The following UGT2A1 variants were observed in gnomAD, a reference collection of about 807,000 sequenced individuals.
The protein encoded by UGT2A1 is UDP-glucuronosyltransferase 2A1.
A neutral mutation model predicts 45.4 loss-of-function variants in UGT2A1; 61 were observed. That is an observed-to-expected ratio of 1.34 (90% CI 1.09 to 1.66). UGT2A1 has a LOEUF of 1.66. Ranked by LOEUF, UGT2A1 falls within the 40% of genes most tolerant of loss-of-function variation. The pLI is 0.00. For synonymous variants in UGT2A1, 229 were observed against 196.2 expected, an observed-to-expected ratio of 1.17 and a Z score of -1.40; for missense variants, 649 against 574.3, an observed-to-expected ratio of 1.13 and a Z score of -1.33.
chr4:69,644,434 C>G (rs369378843), intron 2 of UGT2A1, among the ~76,000 whole-genome samples: 9 of 151,688 alleles, frequency 5.9e-5, no homozygotes, highest in African/African-American at 2.2e-4. Context: ...GTACATTCCG[C>G]TCTTATATGA....
At chr4:69,597,763 C>T (rs776748623) in intron 4 of UGT2A1, among the ~76,000 whole-genome samples, 7 of 151,932 alleles carry the variant, frequency 4.6e-5, no homozygotes, top group Non-Finnish European at 1.0e-4. Context: ...CAAACGTACA[C>T]ATCTATCATA....
At chr4:69,652,942 T>C (rs1004692197) in intron 1 of UGT2A1, among the ~76,000 whole-genome samples, 2 of 152,188 alleles carry the variant, frequency 1.3e-5, no homozygotes, top group Non-Finnish European at 1.5e-5. Flanking sequence ...TAGACAAAAC[T>C]CTCAACTTAC....
intron 4 of UGT2A1, chr4:69,596,240 C>G (rs1484475182): frequency 1.7e-5 from 26 of 1,537,732 alleles, no homozygotes; most frequent in Non-Finnish European, 2.3e-5. Context: ...GGATTCCAGG[C>G]TGTACTGACC....
At chr4:69,645,262 T>C (rs1245370410) in intron 2 of UGT2A1, among the ~76,000 whole-genome samples, 1 of 151,764 alleles carries the variant, frequency 6.6e-6, no homozygotes, top group Admixed American at 6.6e-5. Flanking sequence ...TTTCGCCAAA[T>C]ATTCCCAAAA....
Position 69,639,354 on chromosome 4 carries a change from A to G in UGT2A1, c.716-3532T>C, listed in dbSNP as rs151156143. 230 of 1,613,760 alleles carry G rather than the reference A, an allele frequency of 1.4e-4. No homozygotes were observed. The Middle Eastern group carries it at 2.5e-3, about 17-fold the overall frequency. On this transcript the variant is annotated intron_variant, in intron 2 of 6. Coordinates refer to ENST00000286604, the MANE Select transcript of UGT2A1 (RefSeq NM_001252275.3). ...AATCCACAGCATTATCATATGCTCA[A>G]TTAAGGAATCTATATTGCTCTTCTT... is the stretch of plus-strand genomic sequence containing the variant.
At chr4:69,600,748 G>T (rs1055864238) in intron 3 of UGT2A1, among the ~76,000 whole-genome samples, 1 of 151,960 alleles carries the variant, frequency 6.6e-6, no homozygotes, top group African/African-American at 2.4e-5. Context: ...AGAGCAGCAG[G>T]TTGTTTTGCA....
rs1012353897 is a variant in UGT2A1, at chr4:69,623,345, G to T, written c.847+12346C>A. Among the ~76,000 whole-genome samples the T allele has an allele frequency of 2.6e-5, 4 of 151,814 alleles. No homozygotes were observed. The East Asian group carries it at 7.8e-4, about 29-fold the overall frequency. ...GAGTTCCCCAAGAAACAGACGCTGA[G>T]AAAAGAATTTGAATACAAGTAATTT... On this transcript the variant is annotated intron_variant, in intron 3 of 6. Transcript: ENST00000286604.
intron 3 of UGT2A1, among the ~76,000 whole-genome samples, chr4:69,626,201 G>T (rs1430622112): frequency 6.6e-6 from 1 of 150,954 alleles, no homozygotes; most frequent in Non-Finnish European, 1.5e-5. Flanking sequence ...CTGGTAGAGA[G>T]ATATTTGTAA....
At chr4:69,608,439 A>C (rs2109911045) in intron 3 of UGT2A1, among the ~76,000 whole-genome samples, 1 of 150,524 alleles carries the variant, frequency 6.6e-6, no homozygotes, top group Middle Eastern at 3.4e-3. Context: ...GGGAGGGGGG[A>C]AGGATAGCGT....
At chr4:69,595,093 T>C in intron 5 of UGT2A1, 69 bp downstream of exon 5, 1 of 1,548,354 alleles carries the variant, frequency 6.5e-7, no homozygotes, top group South Asian at 1.1e-5. Flanking sequence ...TTGAATTTAT[T>C]TGCTATTAAA....
chr4:69,617,595 A>G (rs963991638), intron 3 of UGT2A1, among the ~76,000 whole-genome samples: 2 of 151,864 alleles, frequency 1.3e-5, no homozygotes, highest in African/African-American at 2.4e-5. Flanking sequence ...AATTAGGGCT[A>G]GTGCTATCTA....
At chr4:69,644,238 A>G (rs1363270364) in intron 2 of UGT2A1, among the ~76,000 whole-genome samples, 1 of 151,736 alleles carries the variant, frequency 6.6e-6, no homozygotes, top group Non-Finnish European at 1.5e-5. Flanking sequence ...CTTACAGGCA[A>G]AATAAAATGG....
intron 3 of UGT2A1, among the ~76,000 whole-genome samples, chr4:69,609,209 G>T (rs1159400056): frequency 6.7e-6 from 1 of 150,100 alleles, no homozygotes; most frequent in Admixed American, 6.7e-5. Flanking sequence ...CTGGAATGCA[G>T]TGGTGCCAAC....
chr4:69,648,618 A>G (rs902117243), intron 1 of UGT2A1, among the ~76,000 whole-genome samples: 10 of 151,996 alleles, frequency 6.6e-5, no homozygotes, highest in Admixed American at 4.6e-4. Flanking sequence ...TTACTCCCAC[A>G]TCAAAGAAAA....
intron 2 of UGT2A1, among the ~76,000 whole-genome samples, chr4:69,637,434 ATCAAGTTAGTTTATGAGTAT>A (rs1423040568): frequency 1.3e-5 from 2 of 152,144 alleles, no homozygotes; most frequent in African/African-American, 4.8e-5. Context: ...TAAGAGTAAG[ATCAAGTTAGTTTATGAGTAT>A]TCAAGTTAGT....
Position 69,647,129 on chromosome 4 carries a change from C to T in UGT2A1, c.516G>A (p.Arg172=), listed in dbSNP as rs1722303846. The T allele has an allele frequency of 6.2e-7, 1 of 1,612,764 alleles. No homozygotes were observed. Among genetic ancestry groups the T allele is most frequent in the African/African-American group, 1.3e-5 (1 of 74,836 alleles). The change falls in exon 2 of 7, where the codon AGG becomes AGA. Residue 172 remains arginine, a synonymous_variant. Coordinates refer to ENST00000286604, the MANE Select transcript of UGT2A1 (RefSeq NM_001252275.3). Reference sequence around the variant, plus strand: ...TTTCCACTGTTGAGGCTGGAGAAAACCTCAAGGAGTACATAAATGGAATTC... The same window carrying T: ...TTTCCACTGTTGAGGCTGGAGAAAATCTCAAGGAGTACATAAATGGAATTC... ...KLGIPFMYSL[R]FSPASTVEKH...
intron 3 of UGT2A1, among the ~76,000 whole-genome samples, chr4:69,612,428 G>A (rs573023020): frequency 2.0e-5 from 3 of 151,884 alleles, no homozygotes; most frequent in Admixed American, 6.6e-5. Context: ...CCAAAATAAA[G>A]TGAGAATAGC....
intron 3 of UGT2A1, among the ~76,000 whole-genome samples, chr4:69,628,425 A>G (rs1721210635): frequency 6.6e-6 from 1 of 151,850 alleles, no homozygotes; most frequent in Admixed American, 6.6e-5. Context: ...AACAAAATGG[A>G]GAGTCTAGAA....
In UGT2A1 at chr4:69,604,184, A is replaced by T. The variant is rs1719466078; in HGVS notation, c.848-4790T>A. ...GCCAGAGAGAAAGGTCGGGTTACCC[A>T]CAAAGGGAAGCCCATCAGACTAACA... is the stretch of plus-strand genomic sequence containing the variant. On this transcript the variant is annotated intron_variant, in intron 3 of 6. Transcript: ENST00000286604. Among the ~76,000 whole-genome samples, 2 of 136,634 alleles carry T rather than the reference A, an allele frequency of 1.5e-5. 1 individual carries two copies. Among genetic ancestry groups the T allele is most frequent in the Non-Finnish European group, 3.1e-5 (2 of 64,246 alleles). 89.6% of individuals were successfully genotyped at this position (136,634 alleles called of 152,430 possible).
Sources: gnomAD v4.1 joint callset for allele counts (sites outside exome capture counted in the v4.1 genomes callset) on GRCh38, gnomAD v4.1.1 for gene constraint, MANE v1.5 for transcripts, NCBI Gene and HGNC (gene_info 2026-07-23, HGNC 2026-07-21) for gene names.